CSMD3: variants seen among roughly 807,000 people sequenced by gnomAD.
CSMD3 encodes CUB and sushi domain-containing protein 3.
CSMD3 carries 177 observed loss-of-function variants against 435.2 expected under a neutral mutation model. That is an observed-to-expected ratio of 0.41 (90% CI 0.36 to 0.46). The LOEUF (loss-of-function observed/expected upper bound fraction) is 0.46. Ranked by LOEUF, CSMD3 falls within the 20% of genes least tolerant of loss-of-function variation. The pLI is 0.34. For missense variants in CSMD3, 4,265 were observed against 4,504.6 expected, an observed-to-expected ratio of 0.95 and a Z score of 1.52; for synonymous variants, 1,656 against 1,520.5, an observed-to-expected ratio of 1.09 and a Z score of -2.07.
chr8:112,471,066 C>G (rs1194890709), intron 32 of CSMD3, among the ~76,000 whole-genome samples: 1 of 152,032 alleles, frequency 6.6e-6, no homozygotes, highest in Non-Finnish European at 1.5e-5. Context: ...TCAATTAGTA[C>G]TTTTTCTTTC....
At chr8:113,302,214 G>C (rs1317922151) in intron 2 of CSMD3, among the ~76,000 whole-genome samples, 1 of 112,052 alleles carries the variant, frequency 8.9e-6, no homozygotes, top group Non-Finnish European at 1.8e-5. Context: ...TTTCTCACCT[G>C]TATATATAAT....
chr8:113,065,764 G>A (rs1342378231), intron 5 of CSMD3, among the ~76,000 whole-genome samples: 2 of 152,128 alleles, frequency 1.3e-5, no homozygotes, highest in Non-Finnish European at 2.9e-5. Flanking sequence ...TATGATGTCA[G>A]TGAAGGTTAT....
At chr8:112,465,438 AAC>A (rs1412624973) in intron 32 of CSMD3, among the ~76,000 whole-genome samples, 1 of 152,102 alleles carries the variant, frequency 6.6e-6, no homozygotes. Context: ...ATGGGTTTTC[AAC>A]AGTCTTTGAA....
Position 112,697,505 on chromosome 8 carries a change from A to G in CSMD3, c.1973-7455T>C, listed in dbSNP as rs1047104119. Among the ~76,000 whole-genome samples the G allele has an allele frequency of 7.3e-5, 11 of 151,324 alleles. No individual in the cohort carries two copies. The South Asian group carries it at 2.1e-3, about 29-fold the overall frequency. ...TCACAAGGACAAAAAACCAAACACC[A>G]CATGTTCTCACTCATAGGTGGGAAT... On this transcript the variant is annotated intron_variant, in intron 13 of 70. Transcript: ENST00000297405.
chr8:112,758,768 G>T (rs2077764826), intron 13 of CSMD3, among the ~76,000 whole-genome samples: 1 of 152,140 alleles, frequency 6.6e-6, no homozygotes, highest in Admixed American at 6.5e-5. Context: ...AGGAGATAAT[G>T]CACATGAAGA....
chr8:113,410,131 C>T (rs2094551465), intron 1 of CSMD3, among the ~76,000 whole-genome samples: 1 of 152,122 alleles, frequency 6.6e-6, no homozygotes, highest in Non-Finnish European at 1.5e-5. Context: ...TATAAACACT[C>T]ATACTTGTAA....
Position 112,580,083 on chromosome 8 carries a change from A to G in CSMD3, c.3886-6426T>C, listed in dbSNP as rs563529671. ...TTAGTTTTTATTTGAAAATAACAAC[A>G]AACACAGCAACAATGAAAACAGAAA... is the stretch of plus-strand genomic sequence containing the variant. On this transcript the variant is annotated intron_variant, in intron 23 of 70. Transcript: ENST00000297405. Among the ~76,000 whole-genome samples, 7 of 152,224 alleles carry G rather than the reference A, an allele frequency of 4.6e-5. No individual in the cohort carries two copies. In the South Asian group the frequency reaches 1.2e-3, roughly 27 times the overall value.
intron 13 of CSMD3, among the ~76,000 whole-genome samples, chr8:112,746,486 C>T (rs1307274932): frequency 6.6e-6 from 1 of 152,066 alleles, no homozygotes; most frequent in Non-Finnish European, 1.5e-5. Flanking sequence ...GCTTGCTCTT[C>T]CAGCCTGTCT....
chr8:112,682,421 C>G, intron 16 of CSMD3, 21 bp downstream of exon 16: 26 of 1,585,220 alleles, frequency 1.6e-5, no homozygotes, highest in Non-Finnish European at 2.2e-5. Flanking sequence ...GGTTCTATTT[C>G]TCACTCACTA....
intron 13 of CSMD3, among the ~76,000 whole-genome samples, chr8:112,741,021 T>C (rs16884034): frequency 0.33 from 50,423 of 151,628 alleles, 9,248 homozygotes; most frequent in African/African-American, 0.5. Context: ...GCCATTACAA[T>C]GTATAACTTT....
chr8:112,672,533 G>A (rs1178860229), intron 16 of CSMD3, among the ~76,000 whole-genome samples: 1 of 152,006 alleles, frequency 6.6e-6, no homozygotes, highest in Non-Finnish European at 1.5e-5. Flanking sequence ...TCCTTTTATT[G>A]GTTAGGTATG....
rs2130580503 is a variant in CSMD3, at chr8:112,281,307, G to C, written c.9375C>G (p.Val3125=). 1.9e-6 allele frequency: 3 copies of C among 1,613,468 alleles called. No individual in the cohort carries two copies. The highest frequency in any genetic ancestry group is 2.5e-6 in the Non-Finnish European group (3 of 1,179,574). Residue 3125 remains valine, a synonymous_variant, in exon 59 of 71, where the codon GTC becomes GTG. Coordinates refer to ENST00000297405, the MANE Select transcript of CSMD3 (RefSeq NM_198123.2). ...GNPGTTANGK[V]FRIDGTTFSS... is the part of the protein sequence containing the mutation. ...AAAATGTTGTGCCATCAATTCGGAAGACTTTCCCATTGGCTGTGGTTCCTG... is the reference window on the plus strand; with the variant it reads ...AAAATGTTGTGCCATCAATTCGGAACACTTTCCCATTGGCTGTGGTTCCTG...
intron 12 of CSMD3, among the ~76,000 whole-genome samples, chr8:112,800,511 G>A (rs879170465): frequency 1.3e-5 from 2 of 151,908 alleles, no homozygotes; most frequent in Admixed American, 1.3e-4. Context: ...CCTGAGGCAA[G>A]GTCATGATAT....
intron 35 of CSMD3, among the ~76,000 whole-genome samples, chr8:112,405,227 A>ATATATATG (rs1554668904): frequency 9.1e-6 from 1 of 109,318 alleles, no homozygotes; most frequent in Non-Finnish European, 1.8e-5. Context: ...ATATATATAT[A>ATATATATG]TATATATATA....
intron 1 of CSMD3, among the ~76,000 whole-genome samples, chr8:113,320,837 C>A (rs1262976043): frequency 6.6e-6 from 1 of 152,054 alleles, no homozygotes; most frequent in East Asian, 1.9e-4. Flanking sequence ...TAGCTGTAAG[C>A]AATACTGGTG....
In CSMD3 at chr8:112,287,045, A is replaced by G; in HGVS notation, c.9331+19T>C. On this transcript the variant is annotated intron_variant, in intron 58 of 70. Coordinates refer to ENST00000297405, the MANE Select transcript of CSMD3 (RefSeq NM_198123.2). ...AAAATCCAGTAGTTGCAATATATTT[A>G]ATTTCTGCTTGAGATTACCTTTGCA... The G allele has an allele frequency of 6.2e-7, 1 of 1,601,270 alleles. No individual in the cohort carries two copies. Among genetic ancestry groups the G allele is most frequent in the Non-Finnish European group, 8.6e-7 (1 of 1,168,568 alleles).
chr8:112,866,142 C>G (rs2080976135), intron 10 of CSMD3, among the ~76,000 whole-genome samples: 1 of 152,104 alleles, frequency 6.6e-6, no homozygotes, highest in Non-Finnish European at 1.5e-5. Flanking sequence ...TAGCATATGT[C>G]ATTAAAGGAG....
chr8:112,259,981 C>T (rs1466609045), intron 61 of CSMD3, among the ~76,000 whole-genome samples: 2 of 152,098 alleles, frequency 1.3e-5, no homozygotes, highest in South Asian at 4.1e-4. Flanking sequence ...TCCCCCAGTA[C>T]CCTCTCTGTG....
At chr8:113,240,879 TTC>T (rs1358192181) in intron 3 of CSMD3, among the ~76,000 whole-genome samples, 1 of 152,158 alleles carries the variant, frequency 6.6e-6, no homozygotes, top group African/African-American at 2.4e-5. Flanking sequence ...TGGGATTAGT[TTC>T]TCTCTTTCTT....
Sources: gnomAD v4.1 joint callset for allele counts (sites outside exome capture counted in the v4.1 genomes callset) on GRCh38, gnomAD v4.1.1 for gene constraint, MANE v1.5 for transcripts, NCBI Gene and HGNC (gene_info 2026-07-23, HGNC 2026-07-21) for gene names.